NALF1: variants seen among roughly 807,000 people sequenced by gnomAD.
NALF1 encodes family with sequence similarity 155 member A.
In NALF1, 3 loss-of-function variants were observed where a neutral mutation model predicts 48.4. That is an observed-to-expected ratio of 0.06 (90% CI 0.03 to 0.16). The LOEUF (loss-of-function observed/expected upper bound fraction) is 0.16. NALF1 is among the 10% of genes least tolerant of loss of function. The pLI is 1.00. For missense variants in NALF1, 526 were observed against 571.5 expected, an observed-to-expected ratio of 0.92 and a Z score of 0.81; for synonymous variants, 262 against 245.7, an observed-to-expected ratio of 1.07 and a Z score of -0.62.
intron 1 of NALF1, among the ~76,000 whole-genome samples, chr13:107,836,890 C>T (rs545556810): frequency 2.6e-5 from 4 of 152,224 alleles, no homozygotes; most frequent in Admixed American, 6.5e-5. Context: ...ATTTACGTGA[C>T]GAACAATGGG....
chr13:107,866,045 C>T lies in NALF1; in HGVS notation c.552G>A (p.Val184=). Residue 184 remains valine (V), a synonymous_variant, in exon 1 of 3, where the codon GTG becomes GTA. Transcript: ENST00000375915. This position sits in a 1 kb window ranked among gnomAD's most constrained non-coding sequence, Gnocchi z 4.4. ...QGASSGQCFT[V]ENADAVCARN... ...TGGCGCACACCGCGTCCGCATTCTC[C>T]ACCGTGAAGCACTGGCCCGAGGACG... The T allele has an allele frequency of 6.2e-7, 1 of 1,612,612 alleles. No homozygotes were observed. The highest frequency in any genetic ancestry group is 2.2e-5 in the East Asian group (1 of 44,874).
At chr13:107,584,428 A>C (rs888506660) in intron 1 of NALF1, among the ~76,000 whole-genome samples, 1 of 151,808 alleles carries the variant, frequency 6.6e-6, no homozygotes, top group Admixed American at 6.6e-5. Flanking sequence ...GACTTGAAAA[A>C]CCCTTATTTT....
rs955923911 is a variant in NALF1 at position 107,791,779 on chromosome 13, G to C, written c.915+73903C>G. Among the ~76,000 whole-genome samples the C allele has an allele frequency of 8.8e-3, 1,316 of 149,792 alleles. 12 individuals are homozygous for C. The highest frequency in any genetic ancestry group is 0.014 in the Non-Finnish European group (956 of 67,314). ...CAGCCTGGCCAACGTGGTGATCCCC[G>C]CCCCCCCCCGTCTCTACTAAAAATA... On this transcript the variant is annotated intron_variant, in intron 1 of 2. Transcript: ENST00000375915.
chr13:107,640,850 G>A (rs1281274757), intron 1 of NALF1, among the ~76,000 whole-genome samples: 1 of 152,152 alleles, frequency 6.6e-6, no homozygotes, highest in African/African-American at 2.4e-5. Context: ...AGACCAGTAT[G>A]AGGCCCTATG....
chr13:107,309,575 G>A (rs1038158222), intron 1 of NALF1, among the ~76,000 whole-genome samples: 4 of 152,154 alleles, frequency 2.6e-5, no homozygotes, highest in Non-Finnish European at 2.9e-5. Context: ...GAAGGTTCAC[G>A]GGAGGAACAG....
chr13:107,498,828 A>G (rs1875422280), intron 1 of NALF1, among the ~76,000 whole-genome samples: 1 of 152,198 alleles, frequency 6.6e-6, no homozygotes, highest in Non-Finnish European at 1.5e-5. Flanking sequence ...AGAGGCTGAA[A>G]GGGATTTTTT....
At chr13:107,425,417 A>T (rs1294958727) in intron 1 of NALF1, among the ~76,000 whole-genome samples, 1 of 152,192 alleles carries the variant, frequency 6.6e-6, no homozygotes, top group Non-Finnish European at 1.5e-5. Flanking sequence ...CCAACTTAGA[A>T]ATGTTATTCA....
intron 1 of NALF1, among the ~76,000 whole-genome samples, chr13:107,698,931 C>T (rs1407147162): frequency 6.6e-6 from 1 of 152,022 alleles, no homozygotes; most frequent in Non-Finnish European, 1.5e-5. Context: ...CAATAAGATT[C>T]AAGAAGTCTG....
chr13:107,818,764 C>G (rs1006968706), intron 1 of NALF1, among the ~76,000 whole-genome samples: 1 of 138,302 alleles, frequency 7.2e-6, no homozygotes, highest in African/African-American at 2.9e-5. Context: ...CCCAGCTACT[C>G]GGGAGGCTGA....
At chr13:107,219,201 C>T (rs1195815649) in intron 1 of NALF1, among the ~76,000 whole-genome samples, 1 of 152,010 alleles carries the variant, frequency 6.6e-6, no homozygotes, top group Non-Finnish European at 1.5e-5. Context: ...TCGGAATGGG[C>T]CCGTAGTAAA....
At chr13:107,671,560 A>G (rs1880991914) in intron 1 of NALF1, among the ~76,000 whole-genome samples, 1 of 152,198 alleles carries the variant, frequency 6.6e-6, no homozygotes, top group Non-Finnish European at 1.5e-5. Flanking sequence ...TATCAAAGGT[A>G]GAAACAACTA....
At chr13:107,571,110 T>C (rs373718530) in intron 1 of NALF1, among the ~76,000 whole-genome samples, 4 of 152,312 alleles carry the variant, frequency 2.6e-5, no homozygotes, top group African/African-American at 2.4e-5. Context: ...ATAAGAAATA[T>C]ATGTTTGGTT....
Position 107,694,010 on chromosome 13 carries a change from A to G in NALF1, c.915+171672T>C, listed in dbSNP as rs1487600780. Among the ~76,000 whole-genome samples the G allele has an allele frequency of 2.6e-5, 4 of 152,194 alleles. No individual in the cohort carries two copies. In the East Asian group the frequency reaches 7.7e-4, roughly 29 times the overall value. The stretch of plus-strand genomic sequence containing the variant: ...TGGAGATGGTGCCAGCCACCCCTTG[A>G]TCATAACACCTGACTTTGTACTTTA... On this transcript the variant is annotated intron_variant, in intron 1 of 2. Transcript: ENST00000375915.
At chr13:107,403,378 A>C (rs1883846044) in intron 1 of NALF1, among the ~76,000 whole-genome samples, 1 of 151,286 alleles carries the variant, frequency 6.6e-6, no homozygotes, top group African/African-American at 2.4e-5. Context: ...TGACAGAGCA[A>C]ATTTTCAGTA....
chr13:107,607,931 G>A (rs1251563986), intron 1 of NALF1, among the ~76,000 whole-genome samples: 1 of 152,180 alleles, frequency 6.6e-6, no homozygotes, highest in African/African-American at 2.4e-5. Flanking sequence ...ACAGAAGGAT[G>A]AGCGTTCTGT....
At chr13:107,536,366 T>A (rs1410141180) in intron 1 of NALF1, among the ~76,000 whole-genome samples, 1 of 151,928 alleles carries the variant, frequency 6.6e-6, no homozygotes, top group African/African-American at 2.4e-5. Flanking sequence ...TACAATGAAC[T>A]CAAACAAATT....
intron 1 of NALF1, among the ~76,000 whole-genome samples, chr13:107,695,898 C>CTT (rs10642452): frequency 0.92 from 134,264 of 146,310 alleles, 61,972 homozygotes; most frequent in Non-Finnish European, 0.97. Context: ...CATCTATATT[C>CTT]TTTTTTTTTT....
intron 1 of NALF1, among the ~76,000 whole-genome samples, chr13:107,825,176 T>C (rs116363170): frequency 0.012 from 1,810 of 152,290 alleles, 36 homozygotes; most frequent in African/African-American, 0.041. Flanking sequence ...CTAACAAGCT[T>C]TGGCTTTGTT....
chr13:107,560,967 A>G (rs485883), intron 1 of NALF1, among the ~76,000 whole-genome samples: 109,131 of 152,014 alleles, frequency 0.72, 39,585 homozygotes, highest in East Asian at 0.81. Context: ...TTTCCAAAAA[A>G]CAATTTTTAA....
Sources: gnomAD v4.1 joint callset for allele counts (sites outside exome capture counted in the v4.1 genomes callset) on GRCh38, gnomAD v4.1.1 for gene constraint, Gnocchi (gnomAD v3.1) non-coding constraint, MANE v1.5 for transcripts, NCBI Gene and HGNC (gene_info 2026-07-23, HGNC 2026-07-21) for gene names.